Variants in IL17RB observed in about 807,000 individuals in gnomAD.
IL17RB encodes interleukin-17 receptor B.
A neutral mutation model predicts 43.9 loss-of-function variants in IL17RB; 36 were observed. That is an observed-to-expected ratio of 0.82 (90% CI 0.63 to 1.08). The LOEUF (loss-of-function observed/expected upper bound fraction) is 1.08. IL17RB is among the 50% of genes least tolerant of loss of function. The pLI is 0.00. For missense variants in IL17RB, 613 were observed against 613.6 expected (o/e 1.00, Z 0.01); for synonymous variants, 225 against 225.4 (o/e 1.00, Z 0.02).
chr3:53,862,649 C>G (rs1336260320), intron 10 of IL17RB, among the ~76,000 whole-genome samples: 2 of 152,124 alleles, frequency 1.3e-5, no homozygotes, highest in East Asian at 3.8e-4. Flanking sequence ...GAGTGCTTCC[C>G]CATCAGTGTG....
At chr3:53,857,833 C>T (rs1370742269) in intron 8 of IL17RB, 143 bp downstream of exon 8, 18 of 732,624 alleles carry the variant, frequency 2.5e-5, no homozygotes, top group Admixed American at 1.5e-4. Context: ...GGGGCTCTTT[C>T]GCTGCAGCCT....
At chr3:53,850,081 A>G (rs1296214563) in intron 3 of IL17RB, among the ~76,000 whole-genome samples, 1 of 152,234 alleles carries the variant, frequency 6.6e-6, no homozygotes, top group Non-Finnish European at 1.5e-5. Flanking sequence ...GAATGTCACA[A>G]ACATAAGGCA....
At chr3:53,855,184 T>C in intron 5 of IL17RB, 110 bp from the exon 6 acceptor site, 1 of 507,162 alleles carries the variant, frequency 2.0e-6, no homozygotes, top group South Asian at 3.4e-5. Context: ...CTGGAATGTT[T>C]TGGCAATTTG....
intron 2 of IL17RB, among the ~76,000 whole-genome samples, chr3:53,849,404 G>A (rs1265577454): frequency 6.6e-6 from 1 of 152,084 alleles, no homozygotes; most frequent in Non-Finnish European, 1.5e-5. Flanking sequence ...GGTCAGGCGT[G>A]GTGGCTTATA....
chr3:53,859,144 T>G, intron 9 of IL17RB: 2 of 225,296 alleles, frequency 8.9e-6, no homozygotes, highest in Non-Finnish European at 8.7e-6. Context: ...TGGCTGGGTA[T>G]ATATGAGAAT....
intron 5 of IL17RB, among the ~76,000 whole-genome samples, chr3:53,853,645 A>C (rs1020069150): frequency 2.0e-5 from 3 of 152,196 alleles, no homozygotes; most frequent in Non-Finnish European, 2.9e-5. Flanking sequence ...ATGAGACAGG[A>C]TGGTGTGTGT....
At position 53,864,312 on chromosome 3, in the gene IL17RB, G is replaced by A. The variant is rs184580263; in HGVS notation, c.947-434G>A. 1.1e-4 allele frequency among the ~76,000 whole-genome samples: 16 copies of A among 152,316 alleles called. No individual in the cohort carries two copies. In the East Asian group the frequency reaches 2.1e-3, roughly 20 times the overall value. ...AGCACTCTGGGAGGCCCAGGCGGGC[G>A]GAACACGAGGTCAGGAGATCGAGAC... On this transcript the variant is annotated intron_variant, in intron 10 of 10. Transcript: ENST00000288167.
At position 53,864,781 on chromosome 3, in the gene IL17RB, C is replaced by A. The variant is rs1243533848; in HGVS notation, c.982C>A (p.Leu328Ile). The change falls in exon 11 of 11, where the codon CTA (leucine) becomes ATA (isoleucine). Residue 328 changes from leucine (L) to isoleucine (I), a missense_variant. Physicochemically the swap from Leu to Ile is conservative, Grantham distance 5. Coordinates refer to ENST00000288167, the MANE Select transcript of IL17RB (RefSeq NM_018725.4). ...IKKTSFSTTT[L>I]LPPIKVLVVY... is the part of the protein sequence containing the mutation. ...GAAGACTTCCTTTTCTACCACCACA[C>A]TACTGCCCCCCATTAAGGTTCTTGT... 6.2e-7 allele frequency: 1 copy of A among 1,613,350 alleles called. No homozygotes were observed. Among genetic ancestry groups the A allele is most frequent in the Admixed American group, 1.7e-5 (1 of 60,018 alleles).
intron 3 of IL17RB, among the ~76,000 whole-genome samples, chr3:53,850,949 C>T (rs1031604748): frequency 2.6e-5 from 4 of 152,194 alleles, no homozygotes; most frequent in Non-Finnish European, 5.9e-5. Flanking sequence ...TCAAGTGGTA[C>T]ACTTATGTGT....
rs189920653 is a variant in IL17RB, at chr3:53,859,966, C to T, written c.848-164C>T. 3,533 of 521,512 alleles carry T rather than the reference C, an allele frequency of 6.8e-3. 23 individuals carry two copies. Among genetic ancestry groups the T allele is most frequent in the Non-Finnish European group, 0.01 (3,070 of 294,688 alleles). The allele number at this position is 521,512 out of a possible 1,614,324, so 32.3% of individuals were successfully genotyped here. On this transcript the variant is annotated intron_variant, in intron 9 of 10. Transcript: ENST00000288167. ...CGGAGGCTGCAGTGAACCGAGATTGCGCCACTGCACTCCAGCCTAGGCAAC... is the reference window on the plus strand; with the variant it reads ...CGGAGGCTGCAGTGAACCGAGATTGTGCCACTGCACTCCAGCCTAGGCAAC...
rs1699756212 is a variant in IL17RB, at chr3:53,865,534, A to G, written c.*226A>G. On this transcript the variant is annotated 3_prime_UTR_variant, in exon 11 of 11. Transcript: ENST00000288167. Reference sequence around the variant, plus strand: ...GCTGTTTTATACATAGAAATCAATTACAGTTTTAATTGAAAACTATAACCA... The same window carrying G: ...GCTGTTTTATACATAGAAATCAATTGCAGTTTTAATTGAAAACTATAACCA... The G allele has an allele frequency of 2.0e-6, 1 of 503,974 alleles. No individual in the cohort carries two copies. The highest frequency in any genetic ancestry group is 3.5e-6 in the Non-Finnish European group (1 of 286,862). The allele number at this position is 503,974 out of a possible 1,614,324, so 31.2% of individuals were successfully genotyped here. A position where few individuals can be genotyped will look rare whatever the true frequency, so the allele number is the denominator to read the frequency against.
At chr3:53,854,475 C>T (rs1699263355) in intron 5 of IL17RB, among the ~76,000 whole-genome samples, 1 of 152,162 alleles carries the variant, frequency 6.6e-6, no homozygotes. Flanking sequence ...TTTTTCAGAA[C>T]GTTGACAGTC....
At chr3:53,851,946 C>A in intron 3 of IL17RB, 53 bp from the exon 4 acceptor site, 1 of 1,605,786 alleles carries the variant, frequency 6.2e-7, no homozygotes, top group South Asian at 1.1e-5. Flanking sequence ...AGCATCAAGT[C>A]AGCCACACAG....
At position 53,865,287 on chromosome 3, in the gene IL17RB, C is replaced by G; in HGVS notation, c.1488C>G (p.His496Gln). 6.2e-7 allele frequency: 1 copy of G among 1,606,714 alleles called. No individual in the cohort carries two copies. Among genetic ancestry groups the G allele is most frequent in the African/African-American group, 1.3e-5 (1 of 75,022 alleles). Residue 496 changes from histidine to glutamine, a missense_variant, in exon 11 of 11, where the codon CAC becomes CAG. Transcript: ENST00000288167. ...VSAGKRSQAC[H>Q]DGCCSL is the part of the protein sequence containing the mutation. The stretch of plus-strand genomic sequence containing the variant: ...CAGGAAAAAGATCACAAGCCTGCCA[C>G]GATGGCTGCTGCTCCTTGTAGCCCA...
intron 4 of IL17RB, 99 bp downstream of exon 4, chr3:53,852,225 T>C (rs569452439): frequency 9.2e-6 from 10 of 1,088,392 alleles, no homozygotes; most frequent in Non-Finnish European, 1.4e-5. Context: ...CACTGCGACC[T>C]CAATCTTCTG....
chr3:53,850,055 G>A (rs571594614), intron 3 of IL17RB, among the ~76,000 whole-genome samples: 53 of 152,158 alleles, frequency 3.5e-4, no homozygotes, highest in Non-Finnish European at 5.9e-4. Context: ...CTGTAACTAC[G>A]TACAACAATA....
chr3:53,864,037 G>A (rs986292984), intron 10 of IL17RB, among the ~76,000 whole-genome samples: 1 of 151,958 alleles, frequency 6.6e-6, no homozygotes, highest in African/African-American at 2.4e-5. Context: ...TGCCCTGGCT[G>A]GTCTGGAACT....
At chr3:53,848,290 T>C (rs774103015) in intron 1 of IL17RB, among the ~76,000 whole-genome samples, 1 of 152,240 alleles carries the variant, frequency 6.6e-6, no homozygotes, top group East Asian at 1.9e-4. Context: ...GTAAATACTC[T>C]AGGCCGTCCT....
chr3:53,847,485 T>TA (rs11332832), intron 1 of IL17RB, among the ~76,000 whole-genome samples: 9,216 of 140,750 alleles, frequency 0.065, 611 homozygotes, highest in African/African-American at 0.17. Flanking sequence ...GCTCATTTGT[T>TA]AAAAAAAAAA....
Sources: allele counts gnomAD v4.1 joint callset (sites outside exome capture counted in the v4.1 genomes callset), GRCh38; gene constraint gnomAD v4.1.1; transcripts MANE v1.5; gene names NCBI Gene and HGNC (gene_info 2026-07-23, HGNC 2026-07-21).